ALK: variants seen among roughly 807,000 people sequenced by gnomAD.
The protein encoded by ALK is ALK receptor tyrosine kinase, also known as ALK tyrosine kinase receptor.
A neutral mutation model predicts 163.1 loss-of-function variants in ALK; 74 were observed. The observed-to-expected ratio is 0.45, with a 90% CI of 0.38 to 0.55. The LOEUF is 0.55. Among genes scored for constraint, ALK ranks in the 20% least tolerant of loss-of-function variants. The pLI, the probability that ALK is intolerant of heterozygous loss-of-function variation, is 0.00. For synonymous variants in ALK, 960 were observed against 843.2 expected, an observed-to-expected ratio of 1.14 and a Z score of -2.40; for missense variants, 2,063 against 2,105.3, an observed-to-expected ratio of 0.98 and a Z score of 0.39.
At chr2:29,642,369 C>G (rs1676728839) in intron 3 of ALK, among the ~76,000 whole-genome samples, 2 of 152,238 alleles carry the variant, frequency 1.3e-5, no homozygotes, top group South Asian at 4.1e-4. Flanking sequence ...CCTTTATCAG[C>G]AAGGACAGAA....
chr2:29,360,397 C>T (rs1201567671), intron 5 of ALK, among the ~76,000 whole-genome samples: 1 of 152,192 alleles, frequency 6.6e-6, no homozygotes, highest in African/African-American at 2.4e-5. Flanking sequence ...TCTCCTGTCC[C>T]TGGTCTAGCC....
At chr2:29,727,878 A>G (rs1269125052) in intron 1 of ALK, among the ~76,000 whole-genome samples, 1 of 152,168 alleles carries the variant, frequency 6.6e-6, no homozygotes, top group African/African-American at 2.4e-5. Context: ...GGGAGGGGCC[A>G]TGAAGACTAT....
At chr2:29,814,524 G>A (rs1038293450) in intron 1 of ALK, among the ~76,000 whole-genome samples, 1 of 151,976 alleles carries the variant, frequency 6.6e-6, no homozygotes, top group South Asian at 2.1e-4. Flanking sequence ...GCTGGGCGAG[G>A]TGGCAGGCAC....
At chr2:29,858,955 C>CT in intron 1 of ALK, among the ~76,000 whole-genome samples, 2 of 152,064 alleles carry the variant, frequency 1.3e-5, no homozygotes, top group African/African-American at 2.4e-5. Context: ...ATTGCTTGAA[C>CT]CGAGGAGGTG....
intron 1 of ALK, among the ~76,000 whole-genome samples, chr2:29,780,174 T>A (rs1255043477): frequency 6.6e-6 from 1 of 152,214 alleles, no homozygotes; most frequent in African/African-American, 2.4e-5. Flanking sequence ...ACAAAATTTT[T>A]GAGGGCCATT....
At position 29,850,697 on chromosome 2, in the gene ALK, G is replaced by T. The variant is rs374950167; in HGVS notation, c.667+69296C>A. ...GGGGTGTTTCCTCTCCCTAGACTTG[G>T]TTGTACCATCTGGTCTCAGCTGTGC... On this transcript the variant is annotated intron_variant, in intron 1 of 28. Coordinates refer to ENST00000389048, the MANE Select transcript of ALK (RefSeq NM_004304.5). Among the ~76,000 whole-genome samples the T allele has an allele frequency of 8.5e-5, 13 of 152,306 alleles. No individual in the cohort carries two copies. In the East Asian group the frequency reaches 2.3e-3, roughly 27 times the overall value.
intron 5 of ALK, among the ~76,000 whole-genome samples, chr2:29,359,230 T>A (rs1009491349): frequency 5.3e-5 from 8 of 152,216 alleles, no homozygotes; most frequent in Non-Finnish European, 8.8e-5. Flanking sequence ...GGGACTAGTG[T>A]CATTCCTGGA....
intron 15 of ALK, among the ~76,000 whole-genome samples, chr2:29,231,905 T>A (rs757418392): frequency 6.6e-6 from 1 of 152,142 alleles, no homozygotes. Context: ...GCCCAGGGCC[T>A]GGAGGTCTGT....
intron 4 of ALK, among the ~76,000 whole-genome samples, chr2:29,409,231 C>A (rs572788219): frequency 6.6e-6 from 1 of 152,276 alleles, no homozygotes; most frequent in South Asian, 2.1e-4. Context: ...TCACTATTAG[C>A]CTCTAGTAAG....
At chr2:29,376,605 A>T (rs1668758870) in intron 5 of ALK, among the ~76,000 whole-genome samples, 1 of 152,262 alleles carries the variant, frequency 6.6e-6, no homozygotes, top group Admixed American at 6.5e-5. Context: ...AGCCTGCTAC[A>T]TACAGAGTTT....
At chr2:29,405,480 C>T (rs745536401) in intron 4 of ALK, among the ~76,000 whole-genome samples, 29 of 152,120 alleles carry the variant, frequency 1.9e-4, no homozygotes, top group African/African-American at 5.1e-4. Context: ...GCTGGGGTGA[C>T]GGGGCATTTT....
intron 1 of ALK, among the ~76,000 whole-genome samples, chr2:29,798,452 T>C (rs530683036): frequency 1.4e-4 from 21 of 152,360 alleles, no homozygotes; most frequent in African/African-American, 4.8e-4. Flanking sequence ...TTGTTTAAAA[T>C]TTAGAAACCA....
chr2:29,461,966 A>G (rs1224838825), intron 4 of ALK, among the ~76,000 whole-genome samples: 1 of 152,150 alleles, frequency 6.6e-6, no homozygotes, highest in African/African-American at 2.4e-5. Context: ...CATGGACAAG[A>G]GTTTAGAAGA....
intron 5 of ALK, among the ~76,000 whole-genome samples, chr2:29,354,386 T>G (rs894894611): frequency 6.6e-6 from 1 of 152,184 alleles, no homozygotes; most frequent in African/African-American, 2.4e-5. Flanking sequence ...CAGATTCCTT[T>G]CTTCAGAATT....
At chr2:29,201,215 C>T (rs2148147091) in intron 26 of ALK, among the ~76,000 whole-genome samples, 1 of 152,222 alleles carries the variant, frequency 6.6e-6, no homozygotes, top group South Asian at 2.1e-4. Context: ...ATCTCATACA[C>T]CAAGATCTCA....
rs531713105 is a variant in ALK, at chr2:29,272,029, G to T, written c.2041+3070C>A. Among the ~76,000 whole-genome samples the T allele has an allele frequency of 5.3e-5, 8 of 152,304 alleles. No individual in the cohort carries two copies. In the East Asian group the frequency reaches 1.5e-3, roughly 29 times the overall value. On this transcript the variant is annotated intron_variant, in intron 11 of 28. Transcript: ENST00000389048. ...AGGAAGGGTCCTTGGGCCCTGGGGG[G>T]CCTGCTTGTCCCAATCTGGGCTTTT...
chr2:29,553,088 A>G (rs561318243), intron 3 of ALK, among the ~76,000 whole-genome samples: 26 of 152,260 alleles, frequency 1.7e-4, no homozygotes, highest in Non-Finnish European at 2.2e-4. Flanking sequence ...AACTCTTGCT[A>G]TGGTGTAAAT....
Position 29,193,153 on chromosome 2 carries a change from A to G in ALK, c.*71T>C. 7.2e-7 allele frequency: 1 copy of G among 1,395,816 alleles called. No individual in the cohort carries two copies. The highest frequency in any genetic ancestry group is 9.9e-7 in the Non-Finnish European group (1 of 1,014,032). The allele number at this position is 1,395,816 out of a possible 1,614,324, so 86.5% of individuals were successfully genotyped here. A position where few individuals can be genotyped will look rare whatever the true frequency, so the allele number is the denominator to read the frequency against. On this transcript the variant is annotated 3_prime_UTR_variant, in exon 29 of 29. Coordinates refer to ENST00000389048, the MANE Select transcript of ALK (RefSeq NM_004304.5). The stretch of plus-strand genomic sequence containing the variant: ...GTGACATTTGGTCTCTGGTTTGTGA[A>G]GGAGCCATTGCCTCTCTCTCCTCCA...
intron 8 of ALK, among the ~76,000 whole-genome samples, chr2:29,301,451 T>C (rs1420735175): frequency 6.6e-6 from 1 of 152,210 alleles, no homozygotes; most frequent in Non-Finnish European, 1.5e-5. Context: ...AACCAATCAA[T>C]GTCAGCATGA....
Sources: allele counts gnomAD v4.1 joint callset (sites outside exome capture counted in the v4.1 genomes callset), GRCh38; gene constraint gnomAD v4.1.1; transcripts MANE v1.5; gene names NCBI Gene and HGNC (gene_info 2026-07-23, HGNC 2026-07-21).